Variants in RANBP17 observed in about 807,000 individuals in gnomAD.
The protein encoded by RANBP17 is ran-binding protein 17.
Under a neutral mutation model 141.2 loss-of-function variants are expected in RANBP17, and 158 were observed. That is an observed-to-expected ratio of 1.12 (90% CI 0.98 to 1.28). The LOEUF is 1.28. Ranked by LOEUF, RANBP17 falls within the 50% of genes most tolerant of loss-of-function variation. The pLI, the probability that RANBP17 is intolerant of heterozygous loss-of-function variation, is 0.00. For synonymous variants in RANBP17, 430 were observed against 450.0 expected (o/e 0.96, Z 0.56); for missense variants, 1,438 against 1,290.7 (o/e 1.11, Z -1.75).
At chr5:171,222,717 A>G (rs1480868804) in intron 22 of RANBP17, among the ~76,000 whole-genome samples, 1 of 152,126 alleles carries the variant, frequency 6.6e-6, no homozygotes, top group Admixed American at 6.5e-5. Flanking sequence ...TGCAACATCC[A>G]CATCCCAGGC....
chr5:171,293,508 T>C (rs545550485), intron 25 of RANBP17, among the ~76,000 whole-genome samples: 11 of 152,138 alleles, frequency 7.2e-5, no homozygotes, highest in Non-Finnish European at 1.5e-4. Flanking sequence ...CATAACCTCT[T>C]AGGTGAAATA....
chr5:170,897,385 C>T (rs868530101), intron 5 of RANBP17: 11 of 448,916 alleles, frequency 2.5e-5, no homozygotes, highest in Middle Eastern at 1.2e-3. Flanking sequence ...TATTCCATTG[C>T]GCGTATGTGT....
chr5:171,292,754 C>T (rs1561835007), intron 25 of RANBP17, among the ~76,000 whole-genome samples: 2 of 152,242 alleles, frequency 1.3e-5, no homozygotes, highest in East Asian at 3.8e-4. Flanking sequence ...AGCCACTTGC[C>T]TGGACTATCG....
At chr5:171,053,878 C>CAT (rs58623197) in intron 14 of RANBP17, among the ~76,000 whole-genome samples, 45 of 17,218 alleles carry the variant, frequency 2.6e-3, no homozygotes, top group East Asian at 7.5e-3. Flanking sequence ...GTGTTTAGTT[C>CAT]ATATATATAT....
chr5:170,951,412 A>G (rs1167739882), intron 12 of RANBP17, among the ~76,000 whole-genome samples: 6 of 152,130 alleles, frequency 3.9e-5, no homozygotes, highest in Admixed American at 3.9e-4. Context: ...ATTCAGCTAT[A>G]AAGAAAAATA....
intron 14 of RANBP17, among the ~76,000 whole-genome samples, chr5:171,091,404 A>G (rs1786263599): frequency 6.6e-6 from 1 of 152,204 alleles, no homozygotes; most frequent in African/African-American, 2.4e-5. Context: ...CTAGGAAATA[A>G]CTAACTTGCT....
intron 22 of RANBP17, among the ~76,000 whole-genome samples, chr5:171,235,172 A>G (rs972349686): frequency 1.3e-5 from 2 of 152,230 alleles, no homozygotes; most frequent in African/African-American, 2.4e-5. Flanking sequence ...GTCAGCCATT[A>G]CATTTAGCAA....
At chr5:171,227,218 C>T (rs866039305) in intron 22 of RANBP17, among the ~76,000 whole-genome samples, 3 of 152,208 alleles carry the variant, frequency 2.0e-5, no homozygotes. Context: ...AGGCCTCTTG[C>T]ACCAAACAGC....
intron 18 of RANBP17, among the ~76,000 whole-genome samples, chr5:171,184,779 T>C (rs1240652705): frequency 6.6e-6 from 1 of 152,218 alleles, no homozygotes; most frequent in East Asian, 1.9e-4. Context: ...TTTTGTTTTC[T>C]AGTGTATATA....
At chr5:170,968,621 GT>G (rs1490652184) in intron 14 of RANBP17, 1 of 554,460 alleles carries the variant, frequency 1.8e-6, no homozygotes, top group African/African-American at 1.9e-5. Context: ...TCATTAAACA[GT>G]TGAGATTATT....
chr5:171,267,130 A>G (rs921343302), intron 25 of RANBP17, among the ~76,000 whole-genome samples: 19 of 146,626 alleles, frequency 1.3e-4, no homozygotes, highest in African/African-American at 4.8e-4. Flanking sequence ...TCAAGGTCTC[A>G]AGCGATCCTC....
chr5:170,917,604 TCTCAGAAG>T (rs1345843888), intron 9 of RANBP17, among the ~76,000 whole-genome samples: 5 of 152,334 alleles, frequency 3.3e-5, no homozygotes, highest in East Asian at 1.9e-4. Flanking sequence ...TTTTGCATAT[TCTCAGAAG>T]TGTTTTATGG....
intron 14 of RANBP17, among the ~76,000 whole-genome samples, chr5:171,123,911 A>G (rs1187458154): frequency 6.6e-6 from 1 of 152,216 alleles, no homozygotes; most frequent in Non-Finnish European, 1.5e-5. Flanking sequence ...CTATATAATT[A>G]AAAGAAGCAA....
intron 14 of RANBP17, among the ~76,000 whole-genome samples, chr5:171,057,813 G>T (rs1263562292): frequency 2.0e-5 from 3 of 152,034 alleles, no homozygotes; most frequent in African/African-American, 7.2e-5. Context: ...AAAACCATCA[G>T]ATCTTCTGAG....
At chr5:171,183,846 G>T (rs866881675) in intron 18 of RANBP17, among the ~76,000 whole-genome samples, 1 of 152,162 alleles carries the variant, frequency 6.6e-6, no homozygotes, top group Non-Finnish European at 1.5e-5. Flanking sequence ...ATTATGGCAC[G>T]CCTACTTACT....
At chr5:171,281,078 C>A (rs1342364839) in intron 25 of RANBP17, among the ~76,000 whole-genome samples, 1 of 152,182 alleles carries the variant, frequency 6.6e-6, no homozygotes, top group Non-Finnish European at 1.5e-5. Flanking sequence ...TGAACCACTC[C>A]CTCCTGTGGT....
chr5:171,191,432 T>C (rs1761625523), intron 18 of RANBP17, among the ~76,000 whole-genome samples: 1 of 152,164 alleles, frequency 6.6e-6, no homozygotes, highest in South Asian at 2.1e-4. Flanking sequence ...CTCACGCCTG[T>C]AATCCCAGGA....
At chr5:170,872,223 A>C (rs751851726) in intron 1 of RANBP17, among the ~76,000 whole-genome samples, 1 of 152,104 alleles carries the variant, frequency 6.6e-6, no homozygotes, top group Non-Finnish European at 1.5e-5. Flanking sequence ...TTCTTGAAGA[A>C]GTCCCTCACA....
chr5:171,019,332 G>C (rs1186831821), intron 14 of RANBP17, among the ~76,000 whole-genome samples: 1 of 152,156 alleles, frequency 6.6e-6, no homozygotes, highest in Non-Finnish European at 1.5e-5. Context: ...AGAAGGAATG[G>C]TGCCAACTCC....
Sources: allele counts gnomAD v4.1 joint callset (sites outside exome capture counted in the v4.1 genomes callset), GRCh38; gene constraint gnomAD v4.1.1; transcripts MANE v1.5; gene names NCBI Gene and HGNC (gene_info 2026-07-23, HGNC 2026-07-21).